The following XRRA1 variants were observed in gnomAD, a reference collection of about 807,000 sequenced individuals.
XRRA1 encodes the protein X-ray radiation resistance-associated protein 1.
A neutral mutation model predicts 80.2 loss-of-function variants in XRRA1; 69 were observed. The observed-to-expected ratio is 0.86, with a 90% CI of 0.71 to 1.05. The LOEUF is 1.05. Among genes scored for constraint, XRRA1 ranks in the 50% least tolerant of loss-of-function variants. XRRA1 has a pLI of 0.00. For synonymous variants in XRRA1, 348 were observed against 389.9 expected (o/e 0.89, Z 1.27); for missense variants, 967 against 976.4 (o/e 0.99, Z 0.13).
rs1565230675 is a variant in XRRA1, at chr11:74,851,984, T to C, written c.1264+5A>G. 6.2e-7 allele frequency: 1 copy of C among 1,613,294 alleles called. No homozygotes were observed. The highest frequency in any genetic ancestry group is 1.7e-5 in the Admixed American group (1 of 60,018). ...TGAGAGGGGGCAGGTTTGCGGGCACTATACCTCGTGTATGGGCCACCAGAG... is the reference window on the plus strand; with the variant it reads ...TGAGAGGGGGCAGGTTTGCGGGCACCATACCTCGTGTATGGGCCACCAGAG... On this transcript the variant is annotated splice_donor_5th_base_variant and intron_variant, in intron 13 of 18. Coordinates refer to ENST00000684022, the MANE Select transcript of XRRA1 (RefSeq NM_001378157.1).
rs2042405802 is a variant in XRRA1 at position 74,861,990 on chromosome 11, T to C, written c.1044+991A>G. ...GCAAACTCAGGGGTCAGCGTCAGAA[T>C]AGTACAGCAGTATAATACGGGGCTT... On this transcript the variant is annotated intron_variant, in intron 11 of 18. Coordinates refer to ENST00000684022, the MANE Select transcript of XRRA1 (RefSeq NM_001378157.1). Among the ~76,000 whole-genome samples the C allele has an allele frequency of 2.0e-5, 3 of 152,340 alleles. No homozygotes were observed. The South Asian group carries it at 6.2e-4, about 32-fold the overall frequency.
intron 2 of XRRA1, among the ~76,000 whole-genome samples, chr11:74,941,635 T>C (rs1946359397): frequency 6.6e-6 from 1 of 152,100 alleles, no homozygotes; most frequent in Admixed American, 6.5e-5. Context: ...CTGAGAGCCA[T>C]GGATAATTTC....
At position 74,862,989 on chromosome 11, in the gene XRRA1, T is replaced by C. The variant is rs948315063; in HGVS notation, c.1036A>G (p.Thr346Ala). The change falls in exon 11 of 19, where the codon ACC becomes GCC. Residue 346 changes from threonine to alanine, a missense_variant. Transcript: ENST00000684022. ...AAGTAGTCAGTTCCTACCTCTGAGG[T>C]TGAAAATCCAGGGTAAGATGAAAAC... is the stretch of plus-strand genomic sequence containing the variant. ...VVFSSYPGFS[T>A]SETTKICSLP... The C allele has an allele frequency of 1.4e-5, 23 of 1,603,704 alleles. No homozygotes were observed. The highest frequency in any genetic ancestry group is 1.9e-5 in the Non-Finnish European group (22 of 1,175,016).
At chr11:74,942,309 G>T (rs377303550) in intron 2 of XRRA1, among the ~76,000 whole-genome samples, 1 of 152,172 alleles carries the variant, frequency 6.6e-6, no homozygotes. Flanking sequence ...TTCAGAAGAA[G>T]GGTGGAGTTA....
intron 15 of XRRA1, chr11:74,845,868 C>G (rs112144051): frequency 0.011 from 1,615 of 153,302 alleles, 33 homozygotes; most frequent in African/African-American, 0.035. Context: ...TATAAGAAAT[C>G]TGTATGTCAT....
chr11:74,850,556 C>T (rs1156632806), intron 14 of XRRA1, among the ~76,000 whole-genome samples: 3 of 152,152 alleles, frequency 2.0e-5, no homozygotes, highest in Non-Finnish European at 4.4e-5. Context: ...GAGGGAGGAG[C>T]ATTTCACAGA....
intron 9 of XRRA1, 169 bp downstream of exon 9, chr11:74,906,973 TGGA>T: frequency 1.2e-6 from 1 of 809,292 alleles, no homozygotes; most frequent in Non-Finnish European, 1.9e-6. Context: ...GCCATTTTTA[TGGA>T]GGAGCCAAAG....
intron 12 of XRRA1, among the ~76,000 whole-genome samples, chr11:74,852,464 T>G (rs1349226712): frequency 6.6e-6 from 1 of 152,250 alleles, no homozygotes; most frequent in Non-Finnish European, 1.5e-5. Context: ...TCTGGAAGGT[T>G]GGCAGGGCAT....
At chr11:74,936,816 A>T (rs1945104505) in intron 4 of XRRA1, 68 bp downstream of exon 4, 2 of 1,516,724 alleles carry the variant, frequency 1.3e-6, no homozygotes, top group Non-Finnish European at 1.8e-6. Flanking sequence ...AGAGCAGGGC[A>T]AATCCTTCCC....
At chr11:74,919,645 T>A (rs1320217782) in intron 8 of XRRA1, 1 of 557,062 alleles carries the variant, frequency 1.8e-6, no homozygotes, top group African/African-American at 1.9e-5. Context: ...ATCAATGAGG[T>A]GGTGACCCGA....
intron 1 of XRRA1, among the ~76,000 whole-genome samples, chr11:74,946,422 G>A (rs569297472): frequency 2.0e-5 from 3 of 152,282 alleles, no homozygotes; most frequent in African/African-American, 7.2e-5. Context: ...GAGCTCTCAC[G>A]AGATCTGATG....
At chr11:74,920,823 G>GT (rs1293877121) in intron 8 of XRRA1, among the ~76,000 whole-genome samples, 1 of 152,190 alleles carries the variant, frequency 6.6e-6, no homozygotes, top group Non-Finnish European at 1.5e-5. Context: ...CTACATATGT[G>GT]TTTTTATTAC....
At chr11:74,844,314 C>T in intron 16 of XRRA1, 31 bp from the exon 17 acceptor site, 1 of 1,547,574 alleles carries the variant, frequency 6.5e-7, no homozygotes, top group Non-Finnish European at 8.9e-7. Context: ...TGAGTCAAGG[C>T]ACTTCCCCCT....
intron 2 of XRRA1, among the ~76,000 whole-genome samples, chr11:74,944,291 T>C (rs1481400143): frequency 6.6e-6 from 1 of 152,184 alleles, no homozygotes; most frequent in Non-Finnish European, 1.5e-5. Context: ...GCAATAGACA[T>C]GTGAGCCAAG....
At chr11:74,868,335 T>C (rs900611719) in intron 10 of XRRA1, among the ~76,000 whole-genome samples, 10 of 152,316 alleles carry the variant, frequency 6.6e-5, no homozygotes, top group Admixed American at 5.9e-4. Flanking sequence ...AGGGATTTCA[T>C]TACTATCCGA....
chr11:74,876,511 C>T (rs1038558869), intron 10 of XRRA1: 2 of 152,194 alleles, frequency 1.3e-5, no homozygotes, highest in Non-Finnish European at 2.9e-5. Flanking sequence ...GCCCAACCCC[C>T]CAAAATAGGA....
At chr11:74,861,735 C>T (rs1203687026) in intron 11 of XRRA1, among the ~76,000 whole-genome samples, 2 of 152,188 alleles carry the variant, frequency 1.3e-5, no homozygotes, top group Non-Finnish European at 2.9e-5. Flanking sequence ...TTGGGGACTG[C>T]TGCATTATAG....
intron 10 of XRRA1, among the ~76,000 whole-genome samples, chr11:74,869,845 C>G (rs1461827255): frequency 6.6e-6 from 1 of 152,152 alleles, no homozygotes; most frequent in Non-Finnish European, 1.5e-5. Context: ...TCTGGGATCC[C>G]CCTCTCCAGC....
intron 18 of XRRA1, 112 bp downstream of exon 18, chr11:74,843,742 T>G (rs2037109264): frequency 1.0e-6 from 1 of 976,526 alleles, no homozygotes; most frequent in Non-Finnish European, 1.6e-6. Context: ...GAGACTGATG[T>G]AGGCAGTTGC....
Sources: gnomAD v4.1 joint callset for allele counts (sites outside exome capture counted in the v4.1 genomes callset) on GRCh38, gnomAD v4.1.1 for gene constraint, MANE v1.5 for transcripts, NCBI Gene and HGNC (gene_info 2026-07-23, HGNC 2026-07-21) for gene names.